Variants in TNNI3K observed in about 807,000 individuals in gnomAD.
TNNI3K encodes serine/threonine-protein kinase TNNI3K.
A neutral mutation model predicts 114.5 loss-of-function variants in TNNI3K; 140 were observed. The observed-to-expected ratio is 1.22, with a 90% CI of 1.07 to 1.41. The LOEUF (loss-of-function observed/expected upper bound fraction) is 1.41. TNNI3K is among the 40% of genes most tolerant of loss of function. The pLI is 0.00. For missense variants in TNNI3K, 1,125 were observed against 1,007.6 expected, an observed-to-expected ratio of 1.12 and a Z score of -1.58; for synonymous variants, 347 against 347.5, an observed-to-expected ratio of 1.00 and a Z score of 0.02.
intron 20 of TNNI3K, among the ~76,000 whole-genome samples, chr1:74,458,877 C>T (rs1279580314): frequency 6.6e-6 from 1 of 152,012 alleles, no homozygotes; most frequent in African/African-American, 2.4e-5. Flanking sequence ...AGCATAGTAC[C>T]CAATAGGTAG....
intron 9 of TNNI3K, among the ~76,000 whole-genome samples, chr1:74,352,678 T>TC (rs1421534158): frequency 6.6e-6 from 1 of 152,080 alleles, no homozygotes; most frequent in Non-Finnish European, 1.5e-5. Context: ...CAGGCGTCCC[T>TC]CCCCCAGCCT....
intron 17 of TNNI3K, among the ~76,000 whole-genome samples, chr1:74,414,552 A>G (rs1665030790): frequency 6.6e-6 from 1 of 152,188 alleles, no homozygotes; most frequent in Non-Finnish European, 1.5e-5. Flanking sequence ...ATATTAGCAT[A>G]TATAAATTGA....
chr1:74,286,385 C>A (rs1236513489), intron 5 of TNNI3K, among the ~76,000 whole-genome samples: 1 of 152,098 alleles, frequency 6.6e-6, no homozygotes, highest in Non-Finnish European at 1.5e-5. Flanking sequence ...CAGACCAGCC[C>A]TCACAGCTCC....
At chr1:74,461,479 C>T (rs758385147) in intron 20 of TNNI3K, among the ~76,000 whole-genome samples, 20 of 123,632 alleles carry the variant, frequency 1.6e-4, no homozygotes, top group Non-Finnish European at 2.5e-4. Context: ...GACTCTGTCT[C>T]GAGAAAAAAA....
intron 17 of TNNI3K, among the ~76,000 whole-genome samples, chr1:74,377,800 A>G (rs1662984217): frequency 6.6e-6 from 1 of 152,044 alleles, no homozygotes; most frequent in African/African-American, 2.4e-5. Context: ...GGAGCCTAGC[A>G]CAGATAACAC....
intron 11 of TNNI3K, among the ~76,000 whole-genome samples, chr1:74,356,845 A>G (rs1234939558): frequency 6.6e-6 from 1 of 152,142 alleles, no homozygotes; most frequent in Non-Finnish European, 1.5e-5. Context: ...TTGTCACTGT[A>G]TTTGTTCAAA....
chr1:74,542,581 G>C (rs573935002), intron 24 of TNNI3K, among the ~76,000 whole-genome samples: 1 of 152,176 alleles, frequency 6.6e-6, no homozygotes, highest in Non-Finnish European at 1.5e-5. Context: ...ATCACTATCA[G>C]TGGCATTTTC....
intron 24 of TNNI3K, among the ~76,000 whole-genome samples, chr1:74,541,894 TAAC>T (rs1189613861): frequency 6.6e-6 from 1 of 152,208 alleles, no homozygotes; most frequent in Non-Finnish European, 1.5e-5. Flanking sequence ...GATCGCAATA[TAAC>T]AACAATTTTA....
At chr1:74,485,608 A>T (rs577189127) in intron 21 of TNNI3K, among the ~76,000 whole-genome samples, 63 of 152,286 alleles carry the variant, frequency 4.1e-4, no homozygotes, top group African/African-American at 1.4e-3. Flanking sequence ...TACTCCCATG[A>T]TTATGTTTCA....
Position 74,367,999 on chromosome 1 carries a change from T to C in TNNI3K, c.1321+35T>C, listed in dbSNP as rs1421450585. ...ATCTGGGACAATTGTTATATTTAAT[T>C]ACTAAGGATAACTATTGCTTCAAAT... On this transcript the variant is annotated intron_variant, in intron 13 of 24. Transcript: ENST00000326637. 7 of 1,513,870 alleles carry C rather than the reference T, an allele frequency of 4.6e-6. No individual in the cohort carries two copies. In the South Asian group the frequency reaches 5.2e-5, roughly 11 times the overall value. The allele number at this position is 1,513,870 out of a possible 1,614,324, so 93.8% of individuals were successfully genotyped here.
intron 20 of TNNI3K, among the ~76,000 whole-genome samples, chr1:74,462,719 T>C (rs922557271): frequency 5.9e-5 from 9 of 152,150 alleles, no homozygotes; most frequent in Admixed American, 2.6e-4. Context: ...AAATCATTAG[T>C]TGCAGAACAG....
In TNNI3K at chr1:74,297,661, A is replaced by G. The variant is rs573471171; in HGVS notation, c.444+25953A>G. 3.3e-5 allele frequency among the ~76,000 whole-genome samples: 5 copies of G among 152,248 alleles called. No individual in the cohort carries two copies. In the South Asian group the frequency reaches 8.3e-4, roughly 25 times the overall value. On this transcript the variant is annotated intron_variant, in intron 5 of 24. Coordinates refer to ENST00000326637, the MANE Select transcript of TNNI3K (RefSeq NM_015978.3). The stretch of plus-strand genomic sequence containing the variant: ...TGCAATGAGCATGGGGGATACAGAT[A>G]TCTCTTCAAATACTGATTTCATTTA...
chr1:74,439,737 A>C, intron 20 of TNNI3K, 115 bp downstream of exon 20: 1 of 1,464,966 alleles, frequency 6.8e-7, no homozygotes, highest in Non-Finnish European at 9.2e-7. Context: ...GCAAAAGAGG[A>C]GGTAAGCAAA....
intron 23 of TNNI3K, among the ~76,000 whole-genome samples, chr1:74,501,100 A>G (rs1403077739): frequency 6.6e-6 from 1 of 151,906 alleles, no homozygotes; most frequent in East Asian, 1.9e-4. Flanking sequence ...TTCTAGTTGG[A>G]TATTTTTTAA....
intron 11 of TNNI3K, among the ~76,000 whole-genome samples, chr1:74,361,281 G>A (rs1661952425): frequency 6.6e-6 from 1 of 151,914 alleles, no homozygotes; most frequent in South Asian, 2.1e-4. Flanking sequence ...CATCTTTCAA[G>A]TTGAGCTTAA....
chr1:74,320,178 A>G (rs542528572), intron 5 of TNNI3K, among the ~76,000 whole-genome samples: 12 of 152,322 alleles, frequency 7.9e-5, no homozygotes, highest in African/African-American at 1.7e-4. Context: ...AATATAACCA[A>G]CGGAATGGTT....
intron 4 of TNNI3K, among the ~76,000 whole-genome samples, chr1:74,269,942 T>C (rs1162839334): frequency 1.3e-5 from 2 of 151,798 alleles, no homozygotes; most frequent in African/African-American, 4.8e-5. Context: ...AAGGAATGTA[T>C]AGTTTTAGGA....
chr1:74,290,528 A>G (rs1444750279), intron 5 of TNNI3K, among the ~76,000 whole-genome samples: 2 of 151,780 alleles, frequency 1.3e-5, no homozygotes, highest in East Asian at 3.9e-4. Flanking sequence ...AATGCTCTAA[A>G]TGCCCAGCAT....
intron 5 of TNNI3K, among the ~76,000 whole-genome samples, chr1:74,287,796 CTT>C (rs1657426232): frequency 6.6e-6 from 1 of 151,986 alleles, no homozygotes; most frequent in African/African-American, 2.4e-5. Flanking sequence ...AAAGAGACAA[CTT>C]ATGAAATGGG....
Sources: gnomAD v4.1 joint callset for allele counts (sites outside exome capture counted in the v4.1 genomes callset) on GRCh38, gnomAD v4.1.1 for gene constraint, MANE v1.5 for transcripts, NCBI Gene and HGNC (gene_info 2026-07-23, HGNC 2026-07-21) for gene names.